GCNT1: variants seen among roughly 807,000 people sequenced by gnomAD.
GCNT1 encodes glucosaminyl (N-acetyl) transferase 1.
Under a neutral mutation model 26.2 loss-of-function variants are expected in GCNT1, and 16 were observed. That is an observed-to-expected ratio of 0.61 (90% CI 0.41 to 0.93). The LOEUF (loss-of-function observed/expected upper bound fraction) is 0.93. GCNT1 is among the 40% of genes least tolerant of loss of function. GCNT1 has a pLI of 0.00. For synonymous variants in GCNT1, 183 were observed against 190.8 expected (o/e 0.96, Z 0.34); for missense variants, 477 against 526.7 (o/e 0.91, Z 0.92).
In GCNT1 at chr9:76,452,359, C is replaced by T. The variant is rs886161820; in HGVS notation, c.-290+10044C>T. 7.2e-5 allele frequency among the ~76,000 whole-genome samples: 11 copies of T among 152,268 alleles called. No individual in the cohort carries two copies. The South Asian group carries it at 2.3e-3, about 32-fold the overall frequency. The stretch of plus-strand genomic sequence containing the variant: ...CTGTACTAAAAAAAATTTACATAAG[C>T]TTTAAATTATGCTCCACTAGTCTAT... On this transcript the variant is annotated intron_variant, in intron 1 of 2. Transcript: ENST00000442371.
rs761011045 is a variant in GCNT1, at chr9:76,502,868, T to C, written c.487T>C (p.Leu163=). The change falls in exon 4 of 4, where the codon TTA becomes CTA. Residue 163 remains leucine (L), a synonymous_variant. Transcript: ENST00000376730. The part of the protein sequence containing the change: ...HVDTKSEDSY[L]AAVMGIASCF... The stretch of plus-strand genomic sequence containing the variant: ...GGACACAAAATCCGAGGATTCCTAT[T>C]TAGCTGCAGTGATGGGCATCGCTTC... 12 of 1,614,126 alleles carry C rather than the reference T, an allele frequency of 7.4e-6. No individual in the cohort carries two copies. In the South Asian group the frequency reaches 1.1e-4, roughly 15 times the overall value.
chr9:76,393,916 C>G, the GCNT1 span: 1 of 622,754 alleles, frequency 1.6e-6, no homozygotes, highest in Non-Finnish European at 2.7e-6. Flanking sequence ...GGGACAAGCT[C>G]CCTCAACCGA....
At chr9:76,478,899 G>A (rs548316424) in intron 2 of GCNT1, among the ~76,000 whole-genome samples, 22 of 152,306 alleles carry the variant, frequency 1.4e-4, no homozygotes, top group Admixed American at 1.2e-3. Flanking sequence ...GGGTACATGT[G>A]CACAATGTGC....
At chr9:76,422,288 C>G (rs750036108) in intron 1 of GCNT1, among the ~76,000 whole-genome samples, 1 of 152,088 alleles carries the variant, frequency 6.6e-6, no homozygotes, top group African/African-American at 2.4e-5. Context: ...AAGATGGTCT[C>G]GAACTCCTGA....
At chr9:76,489,431 G>C (rs560727994) in intron 2 of GCNT1, among the ~76,000 whole-genome samples, 4 of 152,294 alleles carry the variant, frequency 2.6e-5, no homozygotes, top group Non-Finnish European at 4.4e-5. Context: ...ATTGTGAAGA[G>C]CAAAAGAACA....
the GCNT1 span, among the ~76,000 whole-genome samples, chr9:76,408,726 C>T: frequency 6.6e-6 from 1 of 152,058 alleles, no homozygotes; most frequent in Non-Finnish European, 1.5e-5. Context: ...CACTCTGTCA[C>T]CCAGGCTATA....
rs145348284 is a variant in GCNT1 at position 76,504,922 on chromosome 9, T to G, written c.*1254T>G. 33 of 413,404 alleles carry G rather than the reference T, an allele frequency of 8.0e-5. No homozygotes were observed. The highest frequency in any genetic ancestry group is 3.6e-4 in the East Asian group (10 of 28,080). 25.6% of individuals were successfully genotyped at this position (413,404 alleles called of 1,614,324 possible). ...TTTGGGTTTGGGACAGATTTTTTTT[T>G]TTGTTTTTGGTATCATTCACAGCAT... On this transcript the variant is annotated 3_prime_UTR_variant, in exon 4 of 4. Transcript: ENST00000376730.
rs550883200 is a variant in GCNT1, at chr9:76,503,542, C to T, written c.1161C>T (p.Asp387=). ...CAGTGTGCATTTTCGGAGCTGGTGA[C>T]TTGAACTGGATGCTGCGCAAACACC... ...VRSVCIFGAG[D]LNWMLRKHHL... The change falls in exon 4 of 4, where the codon GAC becomes GAT. Residue 387 remains aspartate, a synonymous_variant. Coordinates refer to ENST00000376730, the MANE Select transcript of GCNT1 (RefSeq NM_001490.5). 1 of 1,614,192 alleles carries T rather than the reference C, an allele frequency of 6.2e-7. No homozygotes were observed. The highest frequency in any genetic ancestry group is 1.1e-5 in the South Asian group (1 of 91,090).
At chr9:76,442,927 A>G (rs1823503904) in intron 1 of GCNT1, among the ~76,000 whole-genome samples, 1 of 152,096 alleles carries the variant, frequency 6.6e-6, no homozygotes, top group South Asian at 2.1e-4. Context: ...AACACTGGCC[A>G]GGCTCAGTGG....
At chr9:76,486,012 G>A (rs1006517978) in intron 2 of GCNT1, among the ~76,000 whole-genome samples, 1 of 152,234 alleles carries the variant, frequency 6.6e-6, no homozygotes, top group South Asian at 2.1e-4. Context: ...GATTATAGGC[G>A]TGAGCCACTG....
Position 76,496,495 on chromosome 9 carries a change from C to T in GCNT1, c.-289-4421C>T, listed in dbSNP as rs146451814. Among the ~76,000 whole-genome samples the T allele has an allele frequency of 3.3e-3, 509 of 152,222 alleles. 1 individual carries two copies. The highest frequency in any genetic ancestry group is 0.01 in the Middle Eastern group (3 of 294). On this transcript the variant is annotated intron_variant, in intron 2 of 3. Transcript: ENST00000376730. ...TGCTTTTCCAGTTTGATTTCTGCCT[C>T]CTGTCTCCCTCTCCCTGAGGTCATT...
the GCNT1 span, among the ~76,000 whole-genome samples, chr9:76,406,936 G>A: frequency 1.3e-5 from 2 of 151,940 alleles, no homozygotes; most frequent in African/African-American, 2.4e-5. Flanking sequence ...AGCTACTCAG[G>A]AGGCTGAGGT....
Position 76,468,489 on chromosome 9 carries a change from G to T in GCNT1, c.-290+8312G>T, listed in dbSNP as rs532948455. On this transcript the variant is annotated intron_variant, in intron 2 of 3. Coordinates refer to ENST00000376730, the MANE Select transcript of GCNT1 (RefSeq NM_001490.5). The stretch of plus-strand genomic sequence containing the variant: ...AAGAGAGCTGAAGCTGATGTTTGAT[G>T]GTTACCTTTTGGTATATATGTCATG... 3.3e-5 allele frequency among the ~76,000 whole-genome samples: 5 copies of T among 152,274 alleles called. No individual in the cohort carries two copies. In the South Asian group the frequency reaches 1.0e-3, roughly 32 times the overall value.
Position 76,503,769 on chromosome 9 carries a change from CT to C in GCNT1, c.*104del. The C allele has an allele frequency of 1.1e-6, 1 of 931,382 alleles. No individual in the cohort carries two copies. The highest frequency in any genetic ancestry group is 1.7e-6 in the Non-Finnish European group (1 of 582,430). 57.7% of individuals were successfully genotyped at this position (931,382 alleles called of 1,614,324 possible). A position where few individuals can be genotyped will look rare whatever the true frequency, so the allele number is the denominator to read the frequency against. On this transcript the variant is annotated 3_prime_UTR_variant, in exon 4 of 4. Coordinates refer to ENST00000376730, the MANE Select transcript of GCNT1 (RefSeq NM_001490.5). ...CATCGGGAAGATGGTATGAAGTCCT[CT>C]TTGGGGCAGGGACTCTAGTAGATCT...
At chr9:76,421,859 A>G (rs11144894) in intron 1 of GCNT1, among the ~76,000 whole-genome samples, 50,905 of 151,420 alleles carry the variant, frequency 0.34, 9,100 homozygotes, top group Middle Eastern at 0.4. Context: ...ACACCCGACT[A>G]ATTTTTGTGT....
upstream of GCNT1, among the ~76,000 whole-genome samples, chr9:76,437,953 A>G (rs1329052604): frequency 6.6e-6 from 1 of 152,268 alleles, no homozygotes. Flanking sequence ...TTCCTTGGAA[A>G]GTGGTACTTA....
Position 76,506,879 on chromosome 9 carries a change from C to A in GCNT1, c.*3211C>A, listed in dbSNP as rs1301960175. 3 of 166,934 alleles carry A rather than the reference C, an allele frequency of 1.8e-5. No homozygotes were observed. The highest frequency in any genetic ancestry group is 7.2e-5 in the African/African-American group (3 of 41,392). The allele number at this position is 166,934 out of a possible 1,614,324, so 10.3% of individuals were successfully genotyped here. On this transcript the variant is annotated 3_prime_UTR_variant, in exon 4 of 4. Transcript: ENST00000376730. ...TCTCTGTAGGGTCGATTGAATTGGA[C>A]CTTTTCAGTTGTTCAGAAAAATAAA...
In GCNT1 at chr9:76,432,404, G is replaced by A. The variant is rs115686910; in HGVS notation, n.38+12517G>A. Among the ~76,000 whole-genome samples, 400 of 152,230 alleles carry A rather than the reference G, an allele frequency of 2.6e-3. 1 individual carries two copies. Among genetic ancestry groups the A allele is most frequent in the African/African-American group, 9.3e-3 (387 of 41,544 alleles). ...GTTGCCCAGGCTCAAATGCAGTGGT[G>A]TAATCATGGCTCACTGCAGTCTCAA... is the stretch of plus-strand genomic sequence containing the variant. On this transcript the variant is annotated intron_variant and non_coding_transcript_variant, in intron 1 of 3. Transcript: ENST00000488136.
upstream of GCNT1, among the ~76,000 whole-genome samples, chr9:76,458,384 A>C (rs547889164): frequency 6.6e-6 from 1 of 151,872 alleles, no homozygotes; most frequent in South Asian, 2.1e-4. Flanking sequence ...CGGTTTCACC[A>C]TGTTAGCCAG....
Sources: allele counts gnomAD v4.1 joint callset (sites outside exome capture counted in the v4.1 genomes callset), GRCh38; gene constraint gnomAD v4.1.1; transcripts MANE v1.5; gene names NCBI Gene and HGNC (gene_info 2026-07-23, HGNC 2026-07-21).